The following ZDHHC5 variants were observed in gnomAD, a reference collection of about 807,000 sequenced individuals.
The protein encoded by ZDHHC5 is zDHHC palmitoyltransferase 5.
Under a neutral mutation model 70.0 loss-of-function variants are expected in ZDHHC5, and 22 were observed. The observed-to-expected ratio is 0.31, with a 90% CI of 0.22 to 0.45. The LOEUF (loss-of-function observed/expected upper bound fraction) is 0.45. ZDHHC5 is among the 20% of genes least tolerant of loss of function. The pLI is 1.00. For missense variants in ZDHHC5, 746 were observed against 926.9 expected, an observed-to-expected ratio of 0.80 and a Z score of 2.53; for synonymous variants, 313 against 347.8, an observed-to-expected ratio of 0.90 and a Z score of 1.11.
At position 57,691,305 on chromosome 11, in the gene ZDHHC5, C is replaced by G. The variant is rs1413949120; in HGVS notation, c.660+868C>G. Among the ~76,000 whole-genome samples, 7 of 152,230 alleles carry G rather than the reference C, an allele frequency of 4.6e-5. No individual in the cohort carries two copies. The East Asian group carries it at 1.4e-3, about 29-fold the overall frequency. On this transcript the variant is annotated intron_variant, in intron 6 of 11. Coordinates refer to ENST00000287169, the MANE Select transcript of ZDHHC5 (RefSeq NM_015457.3). ...CAGGCTGGTCTCGAACTCCCGACCT[C>G]AGGTGATCCACCCACCTCAGCCTCC... is the stretch of plus-strand genomic sequence containing the variant.
Position 57,699,175 on chromosome 11 carries a change from C to T in ZDHHC5, c.1739C>T (p.Ala580Val). The T allele has an allele frequency of 1.2e-6, 2 of 1,614,252 alleles. No individual in the cohort carries two copies. Among genetic ancestry groups the T allele is most frequent in the Non-Finnish European group, 1.7e-6 (2 of 1,180,052 alleles). The change falls in exon 11 of 12, where the codon GCC becomes GTC. Residue 580 changes from alanine (A) to valine (V), a missense_variant. By Grantham distance (64) the Ala-to-Val change is moderately conservative (BLOSUM62 0). Transcript: ENST00000287169. ...GIQSTPGSGH[A>V]PRTSSSSDDS... ...CAGTCAACACCAGGCTCGGGCCATGCCCCTCGTACTAGTTCCTCCTCAGAT... is the reference window on the plus strand; with the variant it reads ...CAGTCAACACCAGGCTCGGGCCATGTCCCTCGTACTAGTTCCTCCTCAGAT...
intron 3 of ZDHHC5, among the ~76,000 whole-genome samples, chr11:57,684,406 A>G (rs1229940783): frequency 6.6e-6 from 1 of 152,154 alleles, no homozygotes; most frequent in African/African-American, 2.4e-5. Context: ...CAACATGGAG[A>G]AAACCCATCT....
chr11:57,691,272 A>G (rs1156306184), intron 6 of ZDHHC5, among the ~76,000 whole-genome samples: 2 of 152,116 alleles, frequency 1.3e-5, no homozygotes, highest in African/African-American at 4.8e-5. Context: ...GGGTTTCACC[A>G]TGTTGGCCAG....
Position 57,690,004 on chromosome 11 carries a change from C to T in ZDHHC5, c.385-27C>T, listed in dbSNP as rs781187482. The T allele has an allele frequency of 1.9e-6, 3 of 1,611,618 alleles. No homozygotes were observed. In the Admixed American group the frequency reaches 5.0e-5, roughly 27 times the overall value. On this transcript the variant is annotated intron_variant, in intron 4 of 11. Coordinates refer to ENST00000287169, the MANE Select transcript of ZDHHC5 (RefSeq NM_015457.3). Reference sequence around the variant, plus strand: ...ATTTAATGCTATGGTCCAGGGATGCCTCTCATCTGTCTCTCTTTGTCCCTA... The same window carrying T: ...ATTTAATGCTATGGTCCAGGGATGCTTCTCATCTGTCTCTCTTTGTCCCTA...
chr11:57,699,909 C>G lies in ZDHHC5; in HGVS notation c.2026C>G (p.Gln676Glu). The G allele has an allele frequency of 1.2e-6, 2 of 1,614,270 alleles. No homozygotes were observed. The highest frequency in any genetic ancestry group is 1.7e-6 in the Non-Finnish European group (2 of 1,180,048). The change falls in exon 12 of 12, where the codon CAG becomes GAG. Residue 676 changes from glutamine to glutamate, a missense_variant. By Grantham distance (29) the Gln-to-Glu change is conservative. Transcript: ENST00000287169. Reference sequence around the variant, plus strand: ...GACCACCTACAGCAAATCCAACGGGCAGCCCAAGAGCTTAGGCTCAGCCTC... The same window carrying G: ...GACCACCTACAGCAAATCCAACGGGGAGCCCAAGAGCTTAGGCTCAGCCTC... ...LKTTYSKSNG[Q>E]PKSLGSASPG...
In ZDHHC5 at chr11:57,672,772, G is replaced by A; in HGVS notation, c.-319G>A. Reference sequence around the variant, plus strand: ...CCATGTTTTCCACCTGCAACCATTTGCATGTGTACAGCCTACTGTTTGTCT... The same window carrying A: ...CCATGTTTTCCACCTGCAACCATTTACATGTGTACAGCCTACTGTTTGTCT... On this transcript the variant is annotated 5_prime_UTR_variant, in exon 2 of 12. Coordinates refer to ENST00000287169, the MANE Select transcript of ZDHHC5 (RefSeq NM_015457.3). 4.0e-6 allele frequency: 1 copy of A among 251,050 alleles called. No individual in the cohort carries two copies. Among genetic ancestry groups the A allele is most frequent in the Non-Finnish European group, 7.7e-6 (1 of 129,244 alleles). 15.6% of individuals were successfully genotyped at this position (251,050 alleles called of 1,614,324 possible).
At chr11:57,696,129 C>T in intron 9 of ZDHHC5, 86 bp downstream of exon 9, 2 of 1,511,768 alleles carry the variant, frequency 1.3e-6, no homozygotes, top group Non-Finnish European at 1.8e-6. Context: ...CAGGCAAGGG[C>T]TGGGAGATAT....
In ZDHHC5 at chr11:57,700,042, C is replaced by A; in HGVS notation, c.*11C>A. The A allele has an allele frequency of 6.4e-7, 1 of 1,556,154 alleles. No individual in the cohort carries two copies. Among genetic ancestry groups the A allele is most frequent in the South Asian group, 1.2e-5 (1 of 80,588 alleles). ...GAGATTTCGGTGTGAGCCTTCGGCA[C>A]CTCCCCTCCCCAACGCCTCTGCGCC... On this transcript the variant is annotated 3_prime_UTR_variant, in exon 12 of 12. Transcript: ENST00000287169.
chr11:57,676,262 T>C (rs1211308736), intron 2 of ZDHHC5, among the ~76,000 whole-genome samples: 1 of 152,244 alleles, frequency 6.6e-6, no homozygotes, highest in Non-Finnish European at 1.5e-5. Flanking sequence ...GCCTTCCTCC[T>C]GGAACTCTAA....
chr11:57,684,264 C>T (rs925359380), intron 3 of ZDHHC5, among the ~76,000 whole-genome samples: 6 of 152,108 alleles, frequency 3.9e-5, no homozygotes, highest in African/African-American at 7.2e-5. Flanking sequence ...CGTGAGCCAC[C>T]GCGCCTGGCC....
chr11:57,692,021 C>CT (rs1223322862), intron 6 of ZDHHC5, among the ~76,000 whole-genome samples: 2 of 151,516 alleles, frequency 1.3e-5, no homozygotes, highest in Non-Finnish European at 2.9e-5. Context: ...CAGAGTATCG[C>CT]TTTGTCACCC....
intron 3 of ZDHHC5, among the ~76,000 whole-genome samples, chr11:57,683,548 C>T (rs1565193259): frequency 1.3e-5 from 2 of 152,126 alleles, no homozygotes; most frequent in Non-Finnish European, 1.5e-5. Context: ...ACAAGAATGT[C>T]AAACGGGTTT....
intron 2 of ZDHHC5, among the ~76,000 whole-genome samples, chr11:57,677,702 C>T (rs1288256383): frequency 6.6e-6 from 1 of 152,192 alleles, no homozygotes; most frequent in African/African-American, 2.4e-5. Flanking sequence ...CCTCAGTCCT[C>T]TTCCAACCCT....
chr11:57,699,418 A>C lies in ZDHHC5; in HGVS notation c.1982A>C (p.Lys661Thr). ...GCCTTGCAGCCATTACTGACACCCA[A>C]GTAAGTATTAGTACTATCCTGACCC... ...EVALQPLLTP[K>T]DEVQLKTTYS... The change falls in exon 11 of 12, where the codon AAA becomes ACA. Residue 661 changes from lysine (K) to threonine (T), a missense_variant and splice_region_variant. Physicochemically the swap from Lys to Thr is moderately conservative, Grantham distance 78. Transcript: ENST00000287169. The C allele has an allele frequency of 1.3e-6, 2 of 1,562,682 alleles. No homozygotes were observed. Among genetic ancestry groups the C allele is most frequent in the Non-Finnish European group, 1.7e-6 (2 of 1,155,526 alleles).
chr11:57,682,607 A>G, intron 3 of ZDHHC5, 64 bp downstream of exon 3: 1 of 1,562,954 alleles, frequency 6.4e-7, no homozygotes, highest in Non-Finnish European at 8.7e-7. Flanking sequence ...AGTTGGCCAT[A>G]CACAGTTGAT....
Position 57,699,194 on chromosome 11 carries a change from C to T in ZDHHC5, c.1758C>T (p.Ser586=), listed in dbSNP as rs1322836468. ...GCCATGCCCCTCGTACTAGTTCCTC[C>T]TCAGATGATTCAAAGAGATCACCTT... The part of the protein sequence containing the change: ...GSGHAPRTSS[S]SDDSKRSPLG... Residue 586 remains serine (S), a synonymous_variant, in exon 11 of 12, where the codon TCC becomes TCT. Transcript: ENST00000287169. 1 of 1,614,262 alleles carries T rather than the reference C, an allele frequency of 6.2e-7. No homozygotes were observed. The highest frequency in any genetic ancestry group is 1.3e-5 in the African/African-American group (1 of 75,072).
chr11:57,690,177 A>G lies in ZDHHC5; in HGVS notation c.531A>G (p.Glu177=), dbSNP rs937156063. 1 of 1,613,768 alleles carries G rather than the reference A, an allele frequency of 6.2e-7. No homozygotes were observed. Among genetic ancestry groups the G allele is most frequent in the Non-Finnish European group, 8.5e-7 (1 of 1,179,952 alleles). The stretch of plus-strand genomic sequence containing the variant: ...TTTATGTCCTCTACCACATAGAGGA[A>G]CTCTCAGGGGTCCGCACGGCTGTCA... The part of the protein sequence containing the change: ...GLLYVLYHIE[E]LSGVRTAVTM... The change falls in exon 5 of 12, where the codon GAA becomes GAG. Residue 177 remains glutamate, a synonymous_variant. Coordinates refer to ENST00000287169, the MANE Select transcript of ZDHHC5 (RefSeq NM_015457.3).
At chr11:57,688,358 C>T (rs12363056) in intron 3 of ZDHHC5, 150 bp from the exon 4 acceptor site, 351 of 867,602 alleles carry the variant, frequency 4.0e-4, no homozygotes, top group Non-Finnish European at 5.1e-4. Context: ...AAAGACCTGA[C>T]CTCACAGTCT....
intron 10 of ZDHHC5, among the ~76,000 whole-genome samples, chr11:57,698,245 A>G (rs1946383120): frequency 1.3e-5 from 2 of 152,140 alleles, no homozygotes; most frequent in African/African-American, 4.8e-5. Context: ...CGTGGAACTC[A>G]ATCTCCTTGA....
Sources: allele counts gnomAD v4.1 joint callset (sites outside exome capture counted in the v4.1 genomes callset), GRCh38; gene constraint gnomAD v4.1.1; transcripts MANE v1.5; gene names NCBI Gene and HGNC (gene_info 2026-07-23, HGNC 2026-07-21).